The following NCBP3 variants were observed in gnomAD, a reference collection of about 807,000 sequenced individuals.
The protein encoded by NCBP3 is nuclear cap-binding protein subunit 3.
Under a neutral mutation model 75.7 loss-of-function variants are expected in NCBP3, and 20 were observed. That is an observed-to-expected ratio of 0.26 (90% CI 0.19 to 0.38). The LOEUF (loss-of-function observed/expected upper bound fraction) is 0.38. Among genes scored for constraint, NCBP3 ranks in the 10% least tolerant of loss-of-function variants. The pLI, the probability that NCBP3 is intolerant of heterozygous loss-of-function variation, is 1.00. For synonymous variants in NCBP3, 293 were observed against 290.5 expected, an observed-to-expected ratio of 1.01 and a Z score of -0.09; for missense variants, 678 against 796.9, an observed-to-expected ratio of 0.85 and a Z score of 1.80.
intron 3 of NCBP3, among the ~76,000 whole-genome samples, chr17:3,833,303 G>A (rs1420513870): frequency 6.6e-6 from 1 of 152,042 alleles, no homozygotes; most frequent in Non-Finnish European, 1.5e-5. Context: ...TTGCAGAGAT[G>A]GGGTTTTACC....
chr17:3,840,023 C>A, intron 3 of NCBP3, 77 bp downstream of exon 3: 1 of 1,165,798 alleles, frequency 8.6e-7, no homozygotes, highest in Non-Finnish European at 1.3e-6. Flanking sequence ...AAGGCAAGGC[C>A]AGAAGCATGA....
chr17:3,821,579 T>C (rs1400532858), intron 8 of NCBP3, among the ~76,000 whole-genome samples: 2 of 152,132 alleles, frequency 1.3e-5, no homozygotes, highest in African/African-American at 2.4e-5. Context: ...CCCACCACCA[T>C]GCATGGCTAA....
At chr17:3,814,789 G>A (rs1370897527) in intron 11 of NCBP3, among the ~76,000 whole-genome samples, 4 of 151,038 alleles carry the variant, frequency 2.6e-5, no homozygotes, top group East Asian at 1.9e-4. Flanking sequence ...AAGTTTCAGC[G>A]AACAAAAAAT....
intron 3 of NCBP3, among the ~76,000 whole-genome samples, chr17:3,836,776 G>T (rs1047013099): frequency 5.3e-5 from 8 of 151,780 alleles, no homozygotes; most frequent in African/African-American, 1.9e-4. Flanking sequence ...ATTAAGATTT[G>T]AATCCAGGTA....
chr17:3,823,609 G>A (rs1226252327), intron 7 of NCBP3, among the ~76,000 whole-genome samples: 4 of 152,024 alleles, frequency 2.6e-5, no homozygotes, highest in African/African-American at 9.7e-5. Flanking sequence ...TTAAAATAGG[G>A]ATGAGGTCTT....
rs2053401519 is a variant in NCBP3, at chr17:3,810,995, T to C, written c.*2049A>G. ...CCACAAGACATCTTTGCCCCGTCAG[T>C]AGAAGCAGAGACTGTGCTGGGATGG... On this transcript the variant is annotated 3_prime_UTR_variant, in exon 13 of 13. Coordinates refer to ENST00000389005, the MANE Select transcript of NCBP3 (RefSeq NM_001114118.3). 6.6e-6 allele frequency: 1 copy of C among 152,348 alleles called. No individual in the cohort carries two copies. Among genetic ancestry groups the C allele is most frequent in the Non-Finnish European group, 1.5e-5 (1 of 68,102 alleles). 9.4% of individuals were successfully genotyped at this position (152,348 alleles called of 1,614,324 possible). A position where few individuals can be genotyped will look rare whatever the true frequency, so the allele number is the denominator to read the frequency against.
At chr17:3,838,488 C>T (rs575184469) in intron 3 of NCBP3, among the ~76,000 whole-genome samples, 17 of 152,354 alleles carry the variant, frequency 1.1e-4, no homozygotes, top group African/African-American at 4.1e-4. Context: ...GAAGCAAGGG[C>T]GTGTTTCTGA....
intron 11 of NCBP3, 50 bp downstream of exon 11, chr17:3,816,066 T>G (rs763446094): frequency 3.2e-6 from 5 of 1,572,280 alleles, no homozygotes; most frequent in Non-Finnish European, 4.3e-6. Flanking sequence ...TGCCCCAGTC[T>G]GCTTTCCGGA....
chr17:3,829,517 C>G, intron 3 of NCBP3, 149 bp from the exon 4 acceptor site: 1 of 884,414 alleles, frequency 1.1e-6, no homozygotes, highest in Non-Finnish European at 1.7e-6. Context: ...GAGCACGAGA[C>G]ATAACAGTAA....
rs2053275412 is a variant in NCBP3, at chr17:3,802,262, T to A, written c.*10782A>T. 1 of 152,192 alleles carries A rather than the reference T, an allele frequency of 6.6e-6. No individual in the cohort carries two copies. The highest frequency in any genetic ancestry group is 1.9e-4 in the East Asian group (1 of 5,196). 9.4% of individuals were successfully genotyped at this position (152,192 alleles called of 1,614,324 possible). A position where few individuals can be genotyped will look rare whatever the true frequency, so the allele number is the denominator to read the frequency against. On this transcript the variant is annotated 3_prime_UTR_variant, in exon 13 of 13. Coordinates refer to ENST00000389005, the MANE Select transcript of NCBP3 (RefSeq NM_001114118.3). ...GTCTGCAGCCCCATTCGCTTTGAGATGTGAATGTGTTAACCCAGGGTGGAC... is the reference window on the plus strand; with the variant it reads ...GTCTGCAGCCCCATTCGCTTTGAGAAGTGAATGTGTTAACCCAGGGTGGAC...
At position 3,816,236 on chromosome 17, in the gene NCBP3, T is replaced by A. The variant is rs1213220120; in HGVS notation, c.1345A>T (p.Asn449Tyr). ...TTGTTACCAATTCGGTTTTTGATAT[T>A]GCTTGAAGATACACTATCTGCCCTC... ...SMRADSVSSSNIKNRIGNKLP... is the reference protein window; with the variant it reads ...SMRADSVSSSYIKNRIGNKLP... The change falls in exon 11 of 13, where the codon AAT (asparagine) becomes TAT (tyrosine). Residue 449 changes from asparagine to tyrosine, a missense_variant. By Grantham distance (143) the Asn-to-Tyr change is moderately radical (BLOSUM62 -2). This residue lies in a region of NCBP3 where 365 missense variants were observed against 392.7 expected (regional missense o/e 0.93). Transcript: ENST00000389005. 2.5e-6 allele frequency: 4 copies of A among 1,614,224 alleles called. No homozygotes were observed. The highest frequency in any genetic ancestry group is 2.5e-6 in the Non-Finnish European group (3 of 1,180,038).
intron 12 of NCBP3, 57 bp from the exon 13 acceptor site, chr17:3,813,336 A>C: frequency 6.3e-7 from 1 of 1,595,274 alleles, no homozygotes; most frequent in Admixed American, 1.7e-5. Context: ...CCAGGGTAGC[A>C]CTGAGGGGGC....
At position 3,806,460 on chromosome 17, in the gene NCBP3, G is replaced by C. The variant is rs1192867008; in HGVS notation, c.*6584C>G. The C allele has an allele frequency of 6.6e-6, 1 of 152,182 alleles. No homozygotes were observed. Among genetic ancestry groups the C allele is most frequent in the Non-Finnish European group, 1.5e-5 (1 of 68,034 alleles). 9.4% of individuals were successfully genotyped at this position (152,182 alleles called of 1,614,324 possible). ...CCCAGAGGTGATGGTGACAATTTGA[G>C]ATAACACAAAGTCTCAACTATTTAC... is the stretch of plus-strand genomic sequence containing the variant. On this transcript the variant is annotated 3_prime_UTR_variant, in exon 13 of 13. Coordinates refer to ENST00000389005, the MANE Select transcript of NCBP3 (RefSeq NM_001114118.3).
At chr17:3,817,563 A>G (rs1406612614) in intron 10 of NCBP3, among the ~76,000 whole-genome samples, 1 of 152,070 alleles carries the variant, frequency 6.6e-6, no homozygotes, top group Non-Finnish European at 1.5e-5. Flanking sequence ...TGGGAGGCGG[A>G]GTTTGCAGTG....
At position 3,825,836 on chromosome 17, in the gene NCBP3, C is replaced by T; in HGVS notation, c.618G>A (p.Gln206=). 6.4e-7 allele frequency: 1 copy of T among 1,551,038 alleles called. No homozygotes were observed. Among genetic ancestry groups the T allele is most frequent in the East Asian group, 2.4e-5 (1 of 40,882 alleles). ...CTTCATCATCATCTGAACTGTCTTC[C>T]TGCTTGTCTAAAATGGAATGTGAAG... is the stretch of plus-strand genomic sequence containing the variant. ...KSAEKRKKDK[Q]EDSSDDDEAE... is the part of the protein sequence containing the mutation. Residue 206 remains glutamine (Q), a synonymous_variant, in exon 6 of 13, where the codon CAG becomes CAA. Coordinates refer to ENST00000389005, the MANE Select transcript of NCBP3 (RefSeq NM_001114118.3).
chr17:3,833,692 C>G (rs562467408), intron 3 of NCBP3, among the ~76,000 whole-genome samples: 1 of 151,910 alleles, frequency 6.6e-6, no homozygotes, highest in Admixed American at 6.6e-5. Context: ...TCCTTACACT[C>G]TTTCCTGTTT....
In NCBP3 at chr17:3,819,032, G is replaced by A. The variant is rs146703056; in HGVS notation, c.1001-460C>T. On this transcript the variant is annotated intron_variant, in intron 9 of 12. Transcript: ENST00000389005. ...AAACAAGCGTCTGTTTCAGTCCACC[G>A]AGTGGCACATTTTTCACACTTCTGT... Among the ~76,000 whole-genome samples the A allele has an allele frequency of 1.6e-4, 24 of 152,212 alleles. No homozygotes were observed. The East Asian group carries it at 3.7e-3, about 23-fold the overall frequency.
chr17:3,822,675 T>G (rs937177103), intron 7 of NCBP3: 1 of 152,274 alleles, frequency 6.6e-6, no homozygotes, highest in Admixed American at 6.5e-5. Flanking sequence ...TCAGTCATCA[T>G]AAATTTTTGT....
intron 3 of NCBP3, among the ~76,000 whole-genome samples, chr17:3,832,886 T>A (rs187325678): frequency 2.2e-3 from 335 of 152,290 alleles, no homozygotes; most frequent in Non-Finnish European, 3.6e-3. Context: ...CCCATGTAAG[T>A]GTGGCCAGAC....
Sources: gnomAD v4.1 joint callset for allele counts (sites outside exome capture counted in the v4.1 genomes callset) on GRCh38, gnomAD v4.1.1 for gene constraint, gnomAD v4.1.1 regional missense constraint, MANE v1.5 for transcripts, NCBI Gene and HGNC (gene_info 2026-07-23, HGNC 2026-07-21) for gene names.